CDH13: variants seen among roughly 807,000 people sequenced by gnomAD.
CDH13 encodes the protein cadherin 13.
Under a neutral mutation model 63.8 loss-of-function variants are expected in CDH13, and 24 were observed. The observed-to-expected ratio is 0.38, with a 90% CI of 0.27 to 0.53. The LOEUF is 0.53. Among genes scored for constraint, CDH13 ranks in the 20% least tolerant of loss-of-function variants. The probability of loss-of-function intolerance (pLI) is 0.85; values close to 1 mark genes in which losing one functional copy is unlikely to be tolerated. For synonymous variants in CDH13, 503 were observed against 355.3 expected (o/e 1.42, Z -4.67); for missense variants, 1,049 against 903.1 (o/e 1.16, Z -2.07).
At chr16:83,157,673 T>C (rs917112831) in intron 4 of CDH13, among the ~76,000 whole-genome samples, 14 of 143,752 alleles carry the variant, frequency 9.7e-5, no homozygotes, top group African/African-American at 3.4e-4. Context: ...GGCGGGCAGA[T>C]CACAAAGTTA....
intron 7 of CDH13, among the ~76,000 whole-genome samples, chr16:83,524,455 T>C (rs1345689868): frequency 5.9e-5 from 8 of 136,414 alleles, no homozygotes; most frequent in African/African-American, 1.9e-4. Context: ...CTTTTTTTTT[T>C]TTTTTTTTTT....
chr16:83,768,190 C>T (rs922389749), intron 11 of CDH13, among the ~76,000 whole-genome samples: 2 of 151,930 alleles, frequency 1.3e-5, no homozygotes, highest in Non-Finnish European at 2.9e-5. Context: ...AAATTAGGAT[C>T]ACACTATGTT....
At chr16:83,783,890 A>G (rs1061492) in intron 13 of CDH13, among the ~76,000 whole-genome samples, 36,587 of 152,186 alleles carry the variant, frequency 0.24, 5,108 homozygotes, top group East Asian at 0.63. Context: ...AATAGTCGTG[A>G]GAATTTATGG....
chr16:83,243,689 T>C (rs1733174946), intron 5 of CDH13, among the ~76,000 whole-genome samples: 1 of 152,122 alleles, frequency 6.6e-6, no homozygotes, highest in South Asian at 2.1e-4. Flanking sequence ...TGGAGTGCTT[T>C]TGAGAGCAAA....
At chr16:83,319,768 G>T (rs10514580) in intron 5 of CDH13, among the ~76,000 whole-genome samples, 10,477 of 152,240 alleles carry the variant, frequency 0.069, 514 homozygotes, top group Non-Finnish European at 0.1. Flanking sequence ...TGAATGGCAT[G>T]AAGAATGAGA....
intron 7 of CDH13, among the ~76,000 whole-genome samples, chr16:83,552,689 A>G (rs1394663852): frequency 6.6e-6 from 1 of 152,228 alleles, no homozygotes; most frequent in Non-Finnish European, 1.5e-5. Context: ...TCTTAAATGA[A>G]TTTGTCACTA....
chr16:83,372,388 C>G (rs934106212), intron 6 of CDH13, among the ~76,000 whole-genome samples: 1 of 152,122 alleles, frequency 6.6e-6, no homozygotes, highest in African/African-American at 2.4e-5. Context: ...GGACGTTTTT[C>G]TCCCCATTCT....
At chr16:83,484,401 A>T (rs1438423024) in intron 6 of CDH13, among the ~76,000 whole-genome samples, 3 of 152,346 alleles carry the variant, frequency 2.0e-5, no homozygotes, top group African/African-American at 7.2e-5. Flanking sequence ...AAATCAGAAG[A>T]TGGGCCTTAT....
rs1416118260 is a variant in CDH13 at position 83,047,551 on chromosome 16, T to C, written c.366+15333T>C. ...TAAGAAAGAAGACCTAAAAACTGAATTTTTAAAATACAAACAGAAAAAAAG... is the reference window on the plus strand; with the variant it reads ...TAAGAAAGAAGACCTAAAAACTGAACTTTTAAAATACAAACAGAAAAAAAG... On this transcript the variant is annotated intron_variant, in intron 3 of 13. Transcript: ENST00000567109. The surrounding 1 kb of genome is among the most constrained non-coding windows in gnomAD (Gnocchi z 4.9). 6.6e-6 allele frequency among the ~76,000 whole-genome samples: 1 copy of C among 152,154 alleles called. No individual in the cohort carries two copies. Among genetic ancestry groups the C allele is most frequent in the Non-Finnish European group, 1.5e-5 (1 of 68,034 alleles).
chr16:83,360,637 G>A (rs564913375), intron 6 of CDH13, among the ~76,000 whole-genome samples: 78 of 152,200 alleles, frequency 5.1e-4, no homozygotes, highest in African/African-American at 1.5e-3. Context: ...AGTCCCCAGC[G>A]TCTGTTATTG....
At chr16:82,681,200 C>G (rs1235628177) in intron 1 of CDH13, among the ~76,000 whole-genome samples, 1 of 152,242 alleles carries the variant, frequency 6.6e-6, no homozygotes. Flanking sequence ...ATGAAGTACT[C>G]TTACATGCAA....
intron 2 of CDH13, chr16:82,990,212 T>A (rs1911489503): frequency 6.6e-6 from 1 of 152,186 alleles, no homozygotes. Flanking sequence ...ATTTTCAAAG[T>A]TCATCTTTGA....
rs530646353 is a variant in CDH13, at chr16:83,111,619, A to G, written c.367-13766A>G. On this transcript the variant is annotated intron_variant, in intron 3 of 13. Transcript: ENST00000567109. The stretch of plus-strand genomic sequence containing the variant: ...GCATATGAAGGGCTTAACATAAGGG[A>G]GTGTCATAATTACATTTATGTTTGG... Among the ~76,000 whole-genome samples the G allele has an allele frequency of 3.3e-5, 5 of 152,256 alleles. No homozygotes were observed. In the East Asian group the frequency reaches 5.8e-4, roughly 18 times the overall value.
intron 1 of CDH13, among the ~76,000 whole-genome samples, chr16:82,734,895 G>A (rs1213626732): frequency 2.0e-5 from 3 of 152,130 alleles, no homozygotes; most frequent in Non-Finnish European, 4.4e-5. Flanking sequence ...CCCAGCAGCT[G>A]GTGCCATGGG....
chr16:83,080,467 C>T (rs192864415), intron 3 of CDH13, among the ~76,000 whole-genome samples: 22 of 152,334 alleles, frequency 1.4e-4, no homozygotes, highest in Non-Finnish European at 2.9e-4. Context: ...GCCTGACCTT[C>T]TTGGGAGCCA....
chr16:83,569,347 G>T (rs186120434), intron 7 of CDH13, among the ~76,000 whole-genome samples: 29 of 152,294 alleles, frequency 1.9e-4, no homozygotes, highest in African/African-American at 6.7e-4. Flanking sequence ...TTGATTGACA[G>T]ATTGTCCCTG....
chr16:82,632,917 A>T (rs1188011338), intron 1 of CDH13, among the ~76,000 whole-genome samples: 7 of 152,062 alleles, frequency 4.6e-5, no homozygotes, highest in Admixed American at 4.6e-4. Context: ...AGACTCTCAT[A>T]AGGAGAAGGC....
At chr16:83,122,882 G>A (rs562437147) in intron 3 of CDH13, among the ~76,000 whole-genome samples, 15 of 152,236 alleles carry the variant, frequency 9.9e-5, no homozygotes, top group Admixed American at 4.6e-4. Context: ...CACCCAAAGA[G>A]TGAACGTTGT....
intron 5 of CDH13, among the ~76,000 whole-genome samples, chr16:83,265,473 C>T (rs1453956087): frequency 6.6e-6 from 1 of 152,178 alleles, no homozygotes; most frequent in Non-Finnish European, 1.5e-5. Flanking sequence ...CTCCCTTTTA[C>T]ATAACTGTCT....
Sources: gnomAD v4.1 joint callset for allele counts (sites outside exome capture counted in the v4.1 genomes callset) on GRCh38, gnomAD v4.1.1 for gene constraint, Gnocchi (gnomAD v3.1) non-coding constraint, MANE v1.5 for transcripts, NCBI Gene and HGNC (gene_info 2026-07-23, HGNC 2026-07-21) for gene names.